Variants in SIPA1L1 observed in about 807,000 individuals in gnomAD.
SIPA1L1 encodes the protein signal-induced proliferation-associated 1-like protein 1.
In SIPA1L1, 26 loss-of-function variants were observed where a neutral mutation model predicts 162.7. That is an observed-to-expected ratio of 0.16 (90% CI 0.12 to 0.22). SIPA1L1 has a LOEUF of 0.22. SIPA1L1 is among the 10% of genes least tolerant of loss of function. The pLI is 1.00. For synonymous variants in SIPA1L1, 829 were observed against 837.4 expected (o/e 0.99, Z 0.17); for missense variants, 1,874 against 2,241.0 (o/e 0.84, Z 3.31).
chr14:71,670,478 C>T (rs1041447716), intron 10 of SIPA1L1, among the ~76,000 whole-genome samples: 2 of 152,102 alleles, frequency 1.3e-5, no homozygotes, highest in Non-Finnish European at 2.9e-5. Context: ...GATTTTAAAG[C>T]GTTGTTGCTA....
chr14:71,601,553 T>C (rs2036753769), intron 5 of SIPA1L1, among the ~76,000 whole-genome samples: 1 of 152,180 alleles, frequency 6.6e-6, no homozygotes, highest in Non-Finnish European at 1.5e-5. Context: ...TGCAGTTTTC[T>C]TTTTTTGTTG....
chr14:71,609,550 TC>T (rs1437745885), intron 5 of SIPA1L1, among the ~76,000 whole-genome samples: 1 of 152,004 alleles, frequency 6.6e-6, no homozygotes, highest in Non-Finnish European at 1.5e-5. Flanking sequence ...CACTGCCACC[TC>T]CGCCTCCTGG....
chr14:71,510,977 C>A (rs923375888), intron 2 of SIPA1L1, among the ~76,000 whole-genome samples: 1 of 152,072 alleles, frequency 6.6e-6, no homozygotes, highest in African/African-American at 2.4e-5. Context: ...AAATGTTTTT[C>A]ATACAGAGAG....
At chr14:71,673,821 C>A (rs181259761) in intron 12 of SIPA1L1, among the ~76,000 whole-genome samples, 1 of 152,168 alleles carries the variant, frequency 6.6e-6, no homozygotes, top group Non-Finnish European at 1.5e-5. Context: ...TCAGAAACTG[C>A]CCTACCCACA....
At chr14:71,556,076 A>T (rs1484690255) in intron 4 of SIPA1L1, among the ~76,000 whole-genome samples, 1 of 152,232 alleles carries the variant, frequency 6.6e-6, no homozygotes, top group Non-Finnish European at 1.5e-5. Context: ...AGACTTGCTC[A>T]ATGCAGGGTT....
At chr14:71,699,316 G>C (rs945448934) in intron 14 of SIPA1L1, among the ~76,000 whole-genome samples, 189 bp downstream of exon 14, 7 of 152,208 alleles carry the variant, frequency 4.6e-5, no homozygotes, top group Non-Finnish European at 8.8e-5. Flanking sequence ...TTCTTAGGAA[G>C]TTTATCATCC....
intron 4 of SIPA1L1, among the ~76,000 whole-genome samples, chr14:71,547,336 G>A (rs1005150721): frequency 6.2e-5 from 8 of 129,512 alleles, no homozygotes; most frequent in East Asian, 2.3e-4. Context: ...TCGCTCTGTC[G>A]AGGCTGGAGT....
chr14:71,532,262 G>A (rs2053516649), intron 4 of SIPA1L1, among the ~76,000 whole-genome samples: 1 of 152,032 alleles, frequency 6.6e-6, no homozygotes, highest in African/African-American at 2.4e-5. Flanking sequence ...GGGTTTTAAG[G>A]GGAAAAGCCT....
At chr14:71,677,887 T>C (rs1280269144) in intron 12 of SIPA1L1, among the ~76,000 whole-genome samples, 2 of 152,216 alleles carry the variant, frequency 1.3e-5, no homozygotes, top group Non-Finnish European at 2.9e-5. Flanking sequence ...CCTTGTAGTA[T>C]AGTTTGAAGT....
chr14:71,520,567 A>G (rs1268523903), intron 3 of SIPA1L1, among the ~76,000 whole-genome samples: 1 of 152,168 alleles, frequency 6.6e-6, no homozygotes, highest in African/African-American at 2.4e-5. Context: ...GAGTTATAGC[A>G]GTGATTAGTT....
chr14:71,417,498 A>AAAAAAAAAAAAAAAAATC (rs1157625899), intron 2 of SIPA1L1, among the ~76,000 whole-genome samples: 1 of 146,492 alleles, frequency 6.8e-6, no homozygotes, highest in Non-Finnish European at 1.5e-5. Flanking sequence ...AAAAAAAAAA[A>AAAAAAAAAAAAAAAAATC]AAAAAGAAAA....
At chr14:71,479,563 T>C (rs945280091) in intron 2 of SIPA1L1, among the ~76,000 whole-genome samples, 3 of 151,526 alleles carry the variant, frequency 2.0e-5, no homozygotes, top group Non-Finnish European at 1.5e-5. Context: ...GCGGGGCCAA[T>C]TTATTTTTTA....
At chr14:71,590,238 T>A (rs1208923229) in intron 5 of SIPA1L1, among the ~76,000 whole-genome samples, 1 of 151,830 alleles carries the variant, frequency 6.6e-6, no homozygotes, top group Non-Finnish European at 1.5e-5. Context: ...AATTAAGGAA[T>A]GAGTTTAAGT....
chr14:71,675,551 T>A (rs988592823), intron 12 of SIPA1L1, among the ~76,000 whole-genome samples: 3 of 152,282 alleles, frequency 2.0e-5, no homozygotes, highest in Admixed American at 2.0e-4. Flanking sequence ...GCTGAAGCAT[T>A]AACACCTTGT....
intron 2 of SIPA1L1, among the ~76,000 whole-genome samples, chr14:71,355,559 A>G (rs1207369385): frequency 2.4e-4 from 36 of 152,260 alleles, no homozygotes; most frequent in South Asian, 2.1e-4. Flanking sequence ...AGGATTCTCC[A>G]TAAACTTGAG....
At chr14:71,611,197 T>C (rs997376861) in intron 5 of SIPA1L1, among the ~76,000 whole-genome samples, 1 of 152,244 alleles carries the variant, frequency 6.6e-6, no homozygotes, top group African/African-American at 2.4e-5. Context: ...CCTCTTATTA[T>C]GTCCACTTTG....
chr14:71,685,896 G>A (rs76762863), intron 13 of SIPA1L1, among the ~76,000 whole-genome samples: 5,029 of 152,200 alleles, frequency 0.033, 288 homozygotes, highest in African/African-American at 0.11. Context: ...AACAGACGTC[G>A]TTACTGCATG....
At chr14:71,330,044 A>C (rs2034333277) in intron 2 of SIPA1L1, among the ~76,000 whole-genome samples, 1 of 152,166 alleles carries the variant, frequency 6.6e-6, no homozygotes. Flanking sequence ...AAAATATGAC[A>C]GGTGGAAAGG....
intron 4 of SIPA1L1, among the ~76,000 whole-genome samples, chr14:71,563,826 T>C (rs2056979958): frequency 6.6e-6 from 1 of 152,272 alleles, no homozygotes; most frequent in South Asian, 2.1e-4. Context: ...TCCTGTGTAT[T>C]CTTACTGCAC....
Sources: allele counts gnomAD v4.1 joint callset (sites outside exome capture counted in the v4.1 genomes callset), GRCh38; gene constraint gnomAD v4.1.1; transcripts MANE v1.5; gene names NCBI Gene and HGNC (gene_info 2026-07-23, HGNC 2026-07-21).